Variants in NFIX observed in about 807,000 individuals in gnomAD.
NFIX encodes nuclear factor I X, also known as nuclear factor 1 X-type.
In NFIX, 2 loss-of-function variants were observed where a neutral mutation model predicts 53.3. The observed-to-expected ratio is 0.04, with a 90% CI of 0.02 to 0.12. The LOEUF is 0.12. NFIX is among the 10% of genes least tolerant of loss of function. The probability of loss-of-function intolerance (pLI) is 1.00; values close to 1 mark genes in which losing one functional copy is unlikely to be tolerated. For missense variants in NFIX, 310 were observed against 674.5 expected, an observed-to-expected ratio of 0.46 and a Z score of 5.99; for synonymous variants, 244 against 289.0, an observed-to-expected ratio of 0.84 and a Z score of 1.58.
rs561813349 is a variant in NFIX, at chr19:12,998,584, G to C, written c.27+2720G>C. ...AGTCTCAGGCGGAGAGAGGGGTGGG[G>C]GGTGGATGGATGGACCCCCATCCCC... is the stretch of plus-strand genomic sequence containing the variant. On this transcript the variant is annotated intron_variant, in intron 1 of 10. Transcript: ENST00000592199. The surrounding 1 kb of genome is among the most constrained non-coding windows in gnomAD (Gnocchi z 4.4). Among the ~76,000 whole-genome samples, 1 of 152,112 alleles carries C rather than the reference G, an allele frequency of 6.6e-6. No individual in the cohort carries two copies. Among genetic ancestry groups the C allele is most frequent in the African/African-American group, 2.4e-5 (1 of 41,494 alleles).
At chr19:13,069,326 A>G (rs909037229) in intron 2 of NFIX, among the ~76,000 whole-genome samples, 2 of 152,218 alleles carry the variant, frequency 1.3e-5, no homozygotes, top group Non-Finnish European at 2.9e-5. Flanking sequence ...ACATGGCCCC[A>G]GAAGACTGGG....
Position 13,093,845 on chromosome 19 carries a change from G to C in NFIX, c.1495-790G>C, listed in dbSNP as rs1405398575. 2.6e-5 allele frequency among the ~76,000 whole-genome samples: 4 copies of C among 152,102 alleles called. No individual in the cohort carries two copies. The highest frequency in any genetic ancestry group is 9.7e-5 in the African/African-American group (4 of 41,400). On this transcript the variant is annotated intron_variant, in intron 10 of 10. Coordinates refer to ENST00000592199, the MANE Select transcript of NFIX (RefSeq NM_001365902.3). The surrounding 1 kb of genome is among the most constrained non-coding windows in gnomAD (Gnocchi z 4.7). ...TGCCAGGAGGTGGGGCTGGAGCCTT[G>C]GATGGAGGGCGTAGCCAAGCAGCCC...
chr19:13,061,662 C>T (rs2016102717), intron 2 of NFIX, among the ~76,000 whole-genome samples: 2 of 152,214 alleles, frequency 1.3e-5, no homozygotes, highest in African/African-American at 4.8e-5. Context: ...CTTTTTGGTC[C>T]TTCAGGGAGC....
At position 13,022,279 on chromosome 19, in the gene NFIX, C is replaced by T. The variant is rs1313463656; in HGVS notation, c.28-2742C>T. ...CGAGCTGTGTTGCGTTGGCATCCCT[C>T]GTCACCGCTAATGGAGTGTGCGTGG... is the stretch of plus-strand genomic sequence containing the variant. On this transcript the variant is annotated intron_variant, in intron 1 of 10. Transcript: ENST00000592199. The surrounding 1 kb of genome is among the most constrained non-coding windows in gnomAD (Gnocchi z 4.5). Among the ~76,000 whole-genome samples, 2 of 152,100 alleles carry T rather than the reference C, an allele frequency of 1.3e-5. No homozygotes were observed. The highest frequency in any genetic ancestry group is 6.5e-5 in the Admixed American group (1 of 15,272).
intron 2 of NFIX, among the ~76,000 whole-genome samples, chr19:13,046,649 T>C (rs1045504734): frequency 3.1e-4 from 47 of 151,838 alleles, no homozygotes; most frequent in Non-Finnish European, 4.9e-4. Flanking sequence ...ACATTGGGAG[T>C]TGATGTTTTG....
chr19:13,031,071 C>T (rs1019616185), intron 2 of NFIX, among the ~76,000 whole-genome samples: 1 of 152,204 alleles, frequency 6.6e-6, no homozygotes, highest in African/African-American at 2.4e-5. Context: ...AAGAGGAGAA[C>T]AGAAATGCCC....
At chr19:13,075,776 G>A in intron 6 of NFIX, 105 bp downstream of exon 6, 1 of 1,356,182 alleles carries the variant, frequency 7.4e-7, no homozygotes. Flanking sequence ...CCCCTGTCGG[G>A]GGGCATTACC....
In NFIX at chr19:13,098,726, ACT is replaced by A. The variant is rs1172120002; in HGVS notation, c.*4083_*4084del. 6.6e-6 allele frequency: 1 copy of A among 150,958 alleles called. No individual in the cohort carries two copies. The highest frequency in any genetic ancestry group is 2.5e-5 in the African/African-American group (1 of 40,468). 9.4% of individuals were successfully genotyped at this position (150,958 alleles called of 1,614,324 possible). ...GCTTCTGTTATACCATCTTTGCCTG[ACT>A]CTCTCCGGCTTCTCCATTGAATGGC... On this transcript the variant is annotated 3_prime_UTR_variant, in exon 11 of 11. Coordinates refer to ENST00000592199, the MANE Select transcript of NFIX (RefSeq NM_001365902.3).
intron 2 of NFIX, among the ~76,000 whole-genome samples, chr19:13,071,583 A>G (rs1225197402): frequency 1.3e-5 from 2 of 152,200 alleles, no homozygotes; most frequent in East Asian, 3.8e-4. Flanking sequence ...TATTAAAAGC[A>G]CTTGTTAGCA....
intron 2 of NFIX, among the ~76,000 whole-genome samples, chr19:13,047,627 G>A (rs1414632985): frequency 1.3e-5 from 2 of 152,198 alleles, no homozygotes; most frequent in South Asian, 2.1e-4. Flanking sequence ...CTAGGCCCCA[G>A]AACTGTGGGC....
rs1223378808 is a variant in NFIX at position 13,014,931 on chromosome 19, C to A, written c.28-10090C>A. ...CCCTTCCGCCAGGTGTGGGGTAGAC[C>A]GCTTAGAAGGGAAAGGGGATCCTGA... On this transcript the variant is annotated intron_variant, in intron 1 of 10. Transcript: ENST00000592199. The surrounding 1 kb of genome is among the most constrained non-coding windows in gnomAD (Gnocchi z 4.4). 6.6e-6 allele frequency among the ~76,000 whole-genome samples: 1 copy of A among 152,094 alleles called. No individual in the cohort carries two copies. The highest frequency in any genetic ancestry group is 6.6e-5 in the Admixed American group (1 of 15,258).
chr19:13,094,907 G>A lies in NFIX; in HGVS notation c.*258G>A, dbSNP rs2018347173. 2 of 521,158 alleles carry A rather than the reference G, an allele frequency of 3.8e-6. No individual in the cohort carries two copies. The highest frequency in any genetic ancestry group is 6.9e-6 in the Non-Finnish European group (2 of 289,016). 32.3% of individuals were successfully genotyped at this position (521,158 alleles called of 1,614,324 possible). A position where few individuals can be genotyped will look rare whatever the true frequency, so the allele number is the denominator to read the frequency against. ...CCAGCAGCCAAGCAGAAAGAAACACGCGACATGGACTCTGTCAAGTAGAGG... is the reference window on the plus strand; with the variant it reads ...CCAGCAGCCAAGCAGAAAGAAACACACGACATGGACTCTGTCAAGTAGAGG... On this transcript the variant is annotated 3_prime_UTR_variant, in exon 11 of 11. Transcript: ENST00000592199. The surrounding 1 kb of genome is among the most constrained non-coding windows in gnomAD (Gnocchi z 4.3).
At position 12,995,664 on chromosome 19, in the gene NFIX, G is replaced by C. The variant is rs1262518870; in HGVS notation, c.-174G>C. The C allele has an allele frequency of 6.9e-6, 1 of 145,968 alleles. No homozygotes were observed. The highest frequency in any genetic ancestry group is 1.5e-5 in the Non-Finnish European group (1 of 66,552). 9.0% of individuals were successfully genotyped at this position (145,968 alleles called of 1,614,324 possible). On this transcript the variant is annotated 5_prime_UTR_variant, in exon 1 of 11. Coordinates refer to ENST00000592199, the MANE Select transcript of NFIX (RefSeq NM_001365902.3). ...CCCCGGAGCCGGCGGGGCCGAGCTT[G>C]CGAGCGGCGAGCGCGGAGCGGCGCC...
At chr19:13,000,645 G>A (rs1466717200) in intron 1 of NFIX, among the ~76,000 whole-genome samples, 1 of 152,130 alleles carries the variant, frequency 6.6e-6, no homozygotes, top group African/African-American at 2.4e-5. Context: ...TGGTATAAGA[G>A]TATGTGTGCA....
In NFIX at chr19:13,073,798, C is replaced by G; in HGVS notation, c.698-108C>G. ...GCCCACTTTCTCCCATCTCCTGGCC[C>G]CACAGTAAACTCACCCTGGGCTTCT... On this transcript the variant is annotated intron_variant, in intron 4 of 10. Coordinates refer to ENST00000592199, the MANE Select transcript of NFIX (RefSeq NM_001365902.3). This position sits in a 1 kb window ranked among gnomAD's most constrained non-coding sequence, Gnocchi z 4.5. 6.8e-7 allele frequency: 1 copy of G among 1,469,854 alleles called. No homozygotes were observed. The highest frequency in any genetic ancestry group is 9.3e-7 in the Non-Finnish European group (1 of 1,072,656). 91.1% of individuals were successfully genotyped at this position (1,469,854 alleles called of 1,614,324 possible).
Position 13,088,994 on chromosome 19 carries a change from G to C in NFIX, c.1402+858G>C, listed in dbSNP as rs968777698. The stretch of plus-strand genomic sequence containing the variant: ...TCTGTGGGCCAGGGTGGGCAGCTCT[G>C]GGGGTGGGCAGGCCACAGGCCAGGG... On this transcript the variant is annotated intron_variant, in intron 9 of 10. Coordinates refer to ENST00000592199, the MANE Select transcript of NFIX (RefSeq NM_001365902.3). The surrounding 1 kb of genome is among the most constrained non-coding windows in gnomAD (Gnocchi z 5.9). 2.0e-4 allele frequency among the ~76,000 whole-genome samples: 30 copies of C among 152,202 alleles called. No individual in the cohort carries two copies. Among genetic ancestry groups the C allele is most frequent in the Admixed American group, 5.9e-4 (9 of 15,298 alleles).
chr19:13,032,871 G>T (rs2013914372), intron 2 of NFIX, among the ~76,000 whole-genome samples: 1 of 152,170 alleles, frequency 6.6e-6, no homozygotes, highest in South Asian at 2.1e-4. Flanking sequence ...ACACATGTGG[G>T]CACGTCCCTA....
In NFIX at chr19:13,014,778, C is replaced by T. The variant is rs2012564313; in HGVS notation, c.28-10243C>T. 6.6e-6 allele frequency among the ~76,000 whole-genome samples: 1 copy of T among 152,194 alleles called. No individual in the cohort carries two copies. The highest frequency in any genetic ancestry group is 2.4e-5 in the African/African-American group (1 of 41,448). ...GGATTTGGGGAGGAAGAGCAGGGTC[C>T]AGGGCCAGTGGCTGAGCACGGCCTG... On this transcript the variant is annotated intron_variant, in intron 1 of 10. Transcript: ENST00000592199. The surrounding 1 kb of genome is among the most constrained non-coding windows in gnomAD (Gnocchi z 4.4).
Position 13,006,807 on chromosome 19 carries a change from C to T in NFIX, c.27+10943C>T, listed in dbSNP as rs1056287641. On this transcript the variant is annotated intron_variant, in intron 1 of 10. Transcript: ENST00000592199. The surrounding 1 kb of genome is among the most constrained non-coding windows in gnomAD (Gnocchi z 5.6). ...GCTCTGGGCTGGGGCCCGGCGGGGT[C>T]GGCACTGCAGGCTGGCAACCACCGT... 3.3e-5 allele frequency among the ~76,000 whole-genome samples: 5 copies of T among 152,126 alleles called. No individual in the cohort carries two copies. Among genetic ancestry groups the T allele is most frequent in the Non-Finnish European group, 4.4e-5 (3 of 68,008 alleles).
Sources: allele counts gnomAD v4.1 joint callset (sites outside exome capture counted in the v4.1 genomes callset), GRCh38; gene constraint gnomAD v4.1.1; non-coding constraint Gnocchi (gnomAD v3.1); transcripts MANE v1.5; gene names NCBI Gene and HGNC (gene_info 2026-07-23, HGNC 2026-07-21).